NOL10: variants seen among roughly 807,000 people sequenced by gnomAD.
NOL10 encodes the protein H_NH0074G24.1.
Under a neutral mutation model 103.5 loss-of-function variants are expected in NOL10, and 58 were observed. That is an observed-to-expected ratio of 0.56 (90% CI 0.45 to 0.70). The LOEUF (loss-of-function observed/expected upper bound fraction) is 0.70. NOL10 is among the 30% of genes least tolerant of loss of function. The pLI, the probability that NOL10 is intolerant of heterozygous loss-of-function variation, is 0.00. For synonymous variants in NOL10, 287 were observed against 282.5 expected (o/e 1.02, Z -0.16); for missense variants, 763 against 807.3 (o/e 0.95, Z 0.67).
At chr2:10,588,495 C>T (rs903360689) in intron 19 of NOL10, among the ~76,000 whole-genome samples, 47 of 152,156 alleles carry the variant, frequency 3.1e-4, no homozygotes, top group African/African-American at 8.2e-4. Flanking sequence ...GCAAATTTTC[C>T]AAGTAACCTT....
At chr2:10,625,069 A>C (rs1677375567) in intron 13 of NOL10, among the ~76,000 whole-genome samples, 1 of 152,206 alleles carries the variant, frequency 6.6e-6, no homozygotes, top group South Asian at 2.1e-4. Flanking sequence ...TTTTGGAAAA[A>C]AGCAAAACTA....
At chr2:10,627,886 T>C (rs1677581368) in intron 13 of NOL10, among the ~76,000 whole-genome samples, 1 of 151,752 alleles carries the variant, frequency 6.6e-6, no homozygotes. Context: ...CCCCTGAATC[T>C]AAAAAAAGTT....
chr2:10,610,689 C>T (rs1338183051), intron 13 of NOL10, among the ~76,000 whole-genome samples: 1 of 152,216 alleles, frequency 6.6e-6, no homozygotes, highest in Non-Finnish European at 1.5e-5. Flanking sequence ...CAACCACAGG[C>T]ACGTCACACT....
At chr2:10,627,077 G>A (rs1677517271) in intron 13 of NOL10, among the ~76,000 whole-genome samples, 1 of 152,176 alleles carries the variant, frequency 6.6e-6, no homozygotes, top group African/African-American at 2.4e-5. Flanking sequence ...CTACCTGAAA[G>A]TGTTTAGATT....
chr2:10,654,747 G>A (rs1679713795), intron 11 of NOL10, among the ~76,000 whole-genome samples, 200 bp from the exon 12 acceptor site: 1 of 151,832 alleles, frequency 6.6e-6, no homozygotes, highest in African/African-American at 2.4e-5. Flanking sequence ...TATAGATGAA[G>A]AAACAGGCCT....
At chr2:10,604,228 G>A (rs62127175) in intron 14 of NOL10, among the ~76,000 whole-genome samples, 8,377 of 152,244 alleles carry the variant, frequency 0.055, 311 homozygotes, top group Non-Finnish European at 0.084. Context: ...CCCACCAACT[G>A]GTATGGGTCC....
intron 11 of NOL10, among the ~76,000 whole-genome samples, chr2:10,656,937 C>T (rs1384275890): frequency 1.3e-5 from 2 of 152,154 alleles, no homozygotes; most frequent in Non-Finnish European, 2.9e-5. Context: ...AAGCAGAAGA[C>T]AGATTAAAAC....
chr2:10,667,165 T>C, intron 8 of NOL10, 53 bp downstream of exon 8: 1 of 1,340,014 alleles, frequency 7.5e-7, no homozygotes, highest in Non-Finnish European at 1.0e-6. Flanking sequence ...AAATAAAAAT[T>C]CCAATCAAAT....
chr2:10,592,346 C>T (rs1203855520), intron 17 of NOL10, among the ~76,000 whole-genome samples: 1 of 152,072 alleles, frequency 6.6e-6, no homozygotes, highest in African/African-American at 2.4e-5. Flanking sequence ...CACTGGAGAG[C>T]ATTAGGAAAA....
At chr2:10,586,690 T>C (rs1215366147) in intron 19 of NOL10, among the ~76,000 whole-genome samples, 1 of 152,100 alleles carries the variant, frequency 6.6e-6, no homozygotes, top group Non-Finnish European at 1.5e-5. Context: ...TTCAGACCAC[T>C]CAACATGAAG....
intron 13 of NOL10, among the ~76,000 whole-genome samples, chr2:10,619,156 T>C (rs1292237768): frequency 1.3e-5 from 2 of 152,190 alleles, no homozygotes; most frequent in Non-Finnish European, 2.9e-5. Flanking sequence ...TATGTATTTA[T>C]GTATTTATGA....
intron 20 of NOL10, among the ~76,000 whole-genome samples, chr2:10,575,277 C>G (rs904707090): frequency 1.3e-5 from 2 of 152,216 alleles, no homozygotes; most frequent in Non-Finnish European, 2.9e-5. Context: ...TTTCTCTCTT[C>G]AATTTTATTG....
At chr2:10,638,354 T>C (rs1240148096) in intron 13 of NOL10, among the ~76,000 whole-genome samples, 1 of 150,912 alleles carries the variant, frequency 6.6e-6, no homozygotes, top group Non-Finnish European at 1.5e-5. Flanking sequence ...TAACGTAACG[T>C]AACGTAACAG....
At chr2:10,617,166 G>T (rs1235476100) in intron 13 of NOL10, among the ~76,000 whole-genome samples, 1 of 152,168 alleles carries the variant, frequency 6.6e-6, no homozygotes, top group Admixed American at 6.6e-5. Context: ...GGGAGATGAT[G>T]GACAGGGACC....
chr2:10,587,110 CATAT>C (rs1323333701), intron 19 of NOL10, among the ~76,000 whole-genome samples: 4 of 42,166 alleles, frequency 9.5e-5, no homozygotes, highest in African/African-American at 3.9e-4. Flanking sequence ...CATATATATA[CATAT>C]ATATACATAT....
intron 11 of NOL10, 115 bp downstream of exon 11, chr2:10,657,627 T>C (rs1273740310): frequency 1.2e-6 from 1 of 854,462 alleles, no homozygotes; most frequent in Non-Finnish European, 1.8e-6. Context: ...AGTTCCCAAA[T>C]GTATATTCAG....
intron 3 of NOL10, among the ~76,000 whole-genome samples, chr2:10,677,871 G>GTGTATA (rs201387297): frequency 6.9e-6 from 1 of 145,898 alleles, no homozygotes; most frequent in African/African-American, 2.6e-5. Context: ...GTGTGTGTGT[G>GTGTATA]TATACACATA....
intron 16 of NOL10, among the ~76,000 whole-genome samples, chr2:10,601,875 A>G (rs556439291): frequency 4.6e-5 from 7 of 152,388 alleles, no homozygotes; most frequent in Admixed American, 6.5e-5. Context: ...TAAATGCAGA[A>G]AACAGTCACT....
chr2:10,689,827 T>TAA lies in NOL10; in HGVS notation c.33_34dup (p.Tyr12PhefsTer27). ...AAGGGACTTGCCGCAGCTGAGGCTG[T>TAA]AAATCTTCACCTCATTGAGGCTGGA... On this transcript the variant is annotated frameshift_variant, in exon 1 of 21. Transcript: ENST00000381685. LOFTEE classifies it high-confidence loss of function. 1 of 1,607,972 alleles carries TAA rather than the reference T, an allele frequency of 6.2e-7. No homozygotes were observed. Among genetic ancestry groups the TAA allele is most frequent in the Non-Finnish European group, 8.5e-7 (1 of 1,177,428 alleles).
Sources: gnomAD v4.1 joint callset for allele counts (sites outside exome capture counted in the v4.1 genomes callset) on GRCh38, gnomAD v4.1.1 for gene constraint, MANE v1.5 for transcripts, NCBI Gene and HGNC (gene_info 2026-07-23, HGNC 2026-07-21) for gene names.